KCNQ1OT1: variants seen among roughly 807,000 people sequenced by gnomAD.
KCNQ1OT1 encodes KCNQ1 antisense RNA 2 (non-protein coding).
rs1849872539 is a variant in KCNQ1OT1 at position 2,657,616 on chromosome 11, G to T, written n.42379C>A. The T allele has an allele frequency of 2.5e-6, 1 of 398,394 alleles. No homozygotes were observed. Among genetic ancestry groups the T allele is most frequent in the Non-Finnish European group, 4.4e-6 (1 of 226,036 alleles). 24.7% of individuals were successfully genotyped at this position (398,394 alleles called of 1,614,324 possible). A position where few individuals can be genotyped will look rare whatever the true frequency, so the allele number is the denominator to read the frequency against. ...GACCAAAACTAAAAAATTAACATTG[G>T]TACACTATTAAGCTAGAGTTATAAA... On this transcript the variant is annotated non_coding_transcript_exon_variant, in exon 1 of 1. Transcript: ENST00000597346. This position sits in a 1 kb window ranked among gnomAD's most constrained non-coding sequence, Gnocchi z 4.8.
rs1406262292 is a variant in KCNQ1OT1, at chr11:2,620,052, A to T, written n.79943T>A. 5.0e-6 allele frequency: 2 copies of T among 397,932 alleles called. No individual in the cohort carries two copies. Among genetic ancestry groups the T allele is most frequent in the Non-Finnish European group, 8.9e-6 (2 of 225,986 alleles). 24.7% of individuals were successfully genotyped at this position (397,932 alleles called of 1,614,324 possible). A position where few individuals can be genotyped will look rare whatever the true frequency, so the allele number is the denominator to read the frequency against. ...AAGTAGTCCCCAGTGTCTACTGATC[A>T]TCTTTATGTCCATGTTTACTCAGTG... On this transcript the variant is annotated non_coding_transcript_exon_variant, in exon 1 of 1. Transcript: ENST00000597346. This position sits in a 1 kb window ranked among gnomAD's most constrained non-coding sequence, Gnocchi z 4.5.
exon 1 of KCNQ1OT1, chr11:2,686,315 C>A: frequency 2.5e-6 from 1 of 398,734 alleles, no homozygotes; most frequent in South Asian, 1.3e-4. Context: ...ACTAGTGTCA[C>A]CTGGCCCGTC....
At chr11:2,694,520 T>A (rs1850641912) in exon 1 of KCNQ1OT1, 1 of 398,552 alleles carries the variant, frequency 2.5e-6, no homozygotes, top group Non-Finnish European at 4.4e-6. Flanking sequence ...AAACCCTGGT[T>A]GCAAGGGGTC....
exon 1 of KCNQ1OT1, chr11:2,610,595 C>T (rs1848963850): frequency 2.5e-6 from 1 of 398,204 alleles, no homozygotes. Context: ...GAAGAACTTC[C>T]TCTAGTAGTT....
chr11:2,662,170 G>C lies in KCNQ1OT1; in HGVS notation n.37825C>G. The stretch of plus-strand genomic sequence containing the variant: ...TGGTGCTGGGGAAGCCTTGCTCTCT[G>C]GCCAGAGTGCTATCTACTCGCCTAG... On this transcript the variant is annotated non_coding_transcript_exon_variant, in exon 1 of 1. Transcript: ENST00000597346. 14 of 1,571,748 alleles carry C rather than the reference G, an allele frequency of 8.9e-6. No homozygotes were observed. In the South Asian group the frequency reaches 1.6e-4, roughly 18 times the overall value.
chr11:2,699,894 C>A (rs1850764388), exon 1 of KCNQ1OT1: 2 of 398,156 alleles, frequency 5.0e-6, no homozygotes, highest in Non-Finnish European at 8.9e-6. Context: ...GAGGACCACG[C>A]TGAGAGGCAC....
In KCNQ1OT1 at chr11:2,651,162, C is replaced by T. The variant is rs560482895; in HGVS notation, n.48833G>A. The T allele has an allele frequency of 1.6e-4, 62 of 398,556 alleles. No individual in the cohort carries two copies. The highest frequency in any genetic ancestry group is 1.8e-4 in the Admixed American group (4 of 22,722). 24.7% of individuals were successfully genotyped at this position (398,556 alleles called of 1,614,324 possible). ...GGAGTTCTTTAAATGTACAGTGGAT[C>T]TTGCTGCTTCCCTACTCAAATGTTC... On this transcript the variant is annotated non_coding_transcript_exon_variant, in exon 1 of 1. Transcript: ENST00000597346. The surrounding 1 kb of genome is among the most constrained non-coding windows in gnomAD (Gnocchi z 6.1).
Position 2,683,185 on chromosome 11 carries a change from C to T in KCNQ1OT1, n.16810G>A, listed in dbSNP as rs929082742. ...GTATTAGCATCTGCATTAAAAGGCT[C>T]CCACTGACAGCTCATGCATTGTGAT... On this transcript the variant is annotated non_coding_transcript_exon_variant, in exon 1 of 1. Transcript: ENST00000597346. The surrounding 1 kb of genome is among the most constrained non-coding windows in gnomAD (Gnocchi z 4.7). The T allele has an allele frequency of 5.0e-6, 2 of 398,534 alleles. No individual in the cohort carries two copies. Among genetic ancestry groups the T allele is most frequent in the Admixed American group, 4.4e-5 (1 of 22,722 alleles). 24.7% of individuals were successfully genotyped at this position (398,534 alleles called of 1,614,324 possible).
At chr11:2,648,981 C>CTTTTTTTTTTTTT in exon 1 of KCNQ1OT1, 543 of 213,124 alleles carry the variant, frequency 2.5e-3, no homozygotes, top group African/African-American at 5.8e-3. Context: ...TTTTCTTTTT[C>CTTTTTTTTTTTTT]TTTTTTTTTT....
rs979267490 is a variant in KCNQ1OT1 at position 2,698,495 on chromosome 11, C to G, written n.1500G>C. 4.3e-5 allele frequency: 17 copies of G among 398,514 alleles called. No individual in the cohort carries two copies. The highest frequency in any genetic ancestry group is 3.3e-4 in the African/African-American group (16 of 48,614). The allele number at this position is 398,514 out of a possible 1,614,324, so 24.7% of individuals were successfully genotyped here. A position where few individuals can be genotyped will look rare whatever the true frequency, so the allele number is the denominator to read the frequency against. On this transcript the variant is annotated non_coding_transcript_exon_variant, in exon 1 of 1. Coordinates refer to ENST00000597346, the Ensembl canonical transcript of KCNQ1OT1. The surrounding 1 kb of genome is among the most constrained non-coding windows in gnomAD (Gnocchi z 5.1). Reference sequence around the variant, plus strand: ...CAATATGACCAAGAGACTTCTACCACTACCTCTCACCTGGCAGGTGATCAC... The same window carrying G: ...CAATATGACCAAGAGACTTCTACCAGTACCTCTCACCTGGCAGGTGATCAC...
exon 1 of KCNQ1OT1, chr11:2,699,310 G>A (rs1248406914): frequency 4.0e-5 from 16 of 398,942 alleles, no homozygotes; most frequent in Non-Finnish European, 5.3e-5. Context: ...TGGGACGGCC[G>A]CGGGGCACAC....
chr11:2,646,038 A>G, exon 1 of KCNQ1OT1: 2 of 398,658 alleles, frequency 5.0e-6, no homozygotes, highest in Non-Finnish European at 8.8e-6. Context: ...CTTTCTGCAC[A>G]TCGAGGAGTC....
Position 2,620,199 on chromosome 11 carries a change from G to GTATATATA in KCNQ1OT1, n.79788_79795dup, listed in dbSNP as rs140322945. On this transcript the variant is annotated non_coding_transcript_exon_variant, in exon 1 of 1. Coordinates refer to ENST00000597346, the Ensembl canonical transcript of KCNQ1OT1. This position sits in a 1 kb window ranked among gnomAD's most constrained non-coding sequence, Gnocchi z 4.5. ...CTGCAAAGGACGTAAGTTCATTCATGTATATATATATATTTTTTTTTTTTA... is the reference window on the plus strand; with the variant it reads ...CTGCAAAGGACGTAAGTTCATTCATGTATATATATATATATATATATTTTTTTTTTTTA... The GTATATATA allele has an allele frequency of 0.014, 4,073 of 294,958 alleles. 53 individuals carry two copies. The highest frequency in any genetic ancestry group is 0.022 in the Admixed American group (401 of 18,498). The allele number at this position is 294,958 out of a possible 1,614,324, so 18.3% of individuals were successfully genotyped here.
chr11:2,610,591 C>A (rs1488709748), exon 1 of KCNQ1OT1: 1 of 398,172 alleles, frequency 2.5e-6, no homozygotes, highest in Non-Finnish European at 4.4e-6. Flanking sequence ...GCCTGAAGAA[C>A]TTCCTCTAGT....
chr11:2,688,267 T>G (rs1175861030), exon 1 of KCNQ1OT1: 3 of 398,602 alleles, frequency 7.5e-6, no homozygotes, highest in African/African-American at 6.2e-5. Flanking sequence ...GGAGGCGCCA[T>G]GACCTCTGTT....
chr11:2,615,336 T>G, exon 1 of KCNQ1OT1: 1 of 398,076 alleles, frequency 2.5e-6, no homozygotes, highest in Non-Finnish European at 4.4e-6. Context: ...ATGTCATTAT[T>G]GAATAAAGAG....
chr11:2,621,309 A>G lies in KCNQ1OT1; in HGVS notation n.78686T>C. ...TTTGCATTTCTGATTATTAGTGATC[A>G]TGAGAATGTTTTTTTGTTTGGCTAC... On this transcript the variant is annotated non_coding_transcript_exon_variant, in exon 1 of 1. Transcript: ENST00000597346. The surrounding 1 kb of genome is among the most constrained non-coding windows in gnomAD (Gnocchi z 5.7). 1 of 398,532 alleles carries G rather than the reference A, an allele frequency of 2.5e-6. No homozygotes were observed. Among genetic ancestry groups the G allele is most frequent in the East Asian group, 3.6e-5 (1 of 28,072 alleles). 24.7% of individuals were successfully genotyped at this position (398,532 alleles called of 1,614,324 possible). A position where few individuals can be genotyped will look rare whatever the true frequency, so the allele number is the denominator to read the frequency against.
chr11:2,643,912 A>G (rs1849620849), exon 1 of KCNQ1OT1: 2 of 398,458 alleles, frequency 5.0e-6, no homozygotes, highest in Admixed American at 4.4e-5. Context: ...TTCTTTCAGC[A>G]CTCTGCGTAT....
rs769543345 is a variant in KCNQ1OT1, at chr11:2,626,185, T to C, written n.73810A>G. On this transcript the variant is annotated non_coding_transcript_exon_variant, in exon 1 of 1. Coordinates refer to ENST00000597346, the Ensembl canonical transcript of KCNQ1OT1. This position sits in a 1 kb window ranked among gnomAD's most constrained non-coding sequence, Gnocchi z 4.0. ...CCCTATGTTTCCTTATAAGACTTCA[T>C]AGTTTTAGGACTTTGACCCATTTTG... 15 of 398,502 alleles carry C rather than the reference T, an allele frequency of 3.8e-5. No individual in the cohort carries two copies. Among genetic ancestry groups the C allele is most frequent in the Non-Finnish European group, 5.8e-5 (13 of 226,076 alleles). The allele number at this position is 398,502 out of a possible 1,614,324, so 24.7% of individuals were successfully genotyped here. A position where few individuals can be genotyped will look rare whatever the true frequency, so the allele number is the denominator to read the frequency against.
Sources: gnomAD v4.1 joint callset for allele counts on GRCh38, gnomAD v4.1.1 for gene constraint, Gnocchi (gnomAD v3.1) non-coding constraint, MANE v1.5 for transcripts, NCBI Gene and HGNC (gene_info 2026-07-23, HGNC 2026-07-21) for gene names.